Variants in CPED1 observed in about 807,000 individuals in gnomAD.
CPED1 encodes the protein cadherin like and PC-esterase domain containing 1.
Under a neutral mutation model 128.2 loss-of-function variants are expected in CPED1, and 114 were observed. The ratio of observed to expected loss-of-function variants is 0.89; its 90% CI spans 0.76 to 1.04. The LOEUF (loss-of-function observed/expected upper bound fraction) is 1.04. Among genes scored for constraint, CPED1 ranks in the 50% least tolerant of loss-of-function variants. The pLI, the probability that CPED1 is intolerant of heterozygous loss-of-function variation, is 0.00. For missense variants in CPED1, 1,211 were observed against 1,207.1 expected (o/e 1.00, Z -0.05); for synonymous variants, 462 against 426.7 (o/e 1.08, Z -1.02).
intron 16 of CPED1, among the ~76,000 whole-genome samples, chr7:121,172,394 TTA>T (rs1796666531): frequency 6.6e-6 from 1 of 152,058 alleles, no homozygotes; most frequent in African/African-American, 2.4e-5. Context: ...TTTTTTTTTT[TTA>T]TTTTGATGTG....
intron 19 of CPED1, 52 bp downstream of exon 19, chr7:121,266,499 T>A (rs534906346): frequency 6.9e-7 from 1 of 1,456,974 alleles, no homozygotes; most frequent in African/African-American, 1.4e-5. Flanking sequence ...ACTGATGTTC[T>A]GCTAGCAGTC....
At chr7:121,182,689 G>A (rs1216702002) in intron 16 of CPED1, among the ~76,000 whole-genome samples, 1 of 152,064 alleles carries the variant, frequency 6.6e-6, no homozygotes, top group Non-Finnish European at 1.5e-5. Flanking sequence ...CAGATTGTAA[G>A]TTCTATAGTC....
At chr7:121,002,985 C>T (rs1404538374) in intron 2 of CPED1, among the ~76,000 whole-genome samples, 1 of 152,134 alleles carries the variant, frequency 6.6e-6, no homozygotes, top group African/African-American at 2.4e-5. Context: ...CAATAAATTA[C>T]TGTCAGCTGG....
Position 121,296,764 on chromosome 7 carries a change from T to C in CPED1, c.*1112T>C. ...TTCTTTTATCTCTTTAGGTTCAAAATGGTGAATTTCTTTATTATATGAATG... is the reference window on the plus strand; with the variant it reads ...TTCTTTTATCTCTTTAGGTTCAAAACGGTGAATTTCTTTATTATATGAATG... On this transcript the variant is annotated 3_prime_UTR_variant, in exon 23 of 23. Coordinates refer to ENST00000310396, the MANE Select transcript of CPED1 (RefSeq NM_024913.5). 1 of 152,456 alleles carries C rather than the reference T, an allele frequency of 6.6e-6. No individual in the cohort carries two copies. Among genetic ancestry groups the C allele is most frequent in the African/African-American group, 2.4e-5 (1 of 41,576 alleles). 9.4% of individuals were successfully genotyped at this position (152,456 alleles called of 1,614,324 possible).
intron 17 of CPED1, among the ~76,000 whole-genome samples, chr7:121,240,440 A>G (rs149019545): frequency 1.7e-4 from 26 of 152,314 alleles, no homozygotes; most frequent in Non-Finnish European, 3.4e-4. Context: ...TGCCCTCAAC[A>G]TATCATTATC....
chr7:121,116,968 A>G (rs553156854), intron 7 of CPED1, among the ~76,000 whole-genome samples: 2 of 142,028 alleles, frequency 1.4e-5, no homozygotes, highest in Non-Finnish European at 3.0e-5. Flanking sequence ...CTCTCTATAT[A>G]TATATATATA....
At chr7:121,101,159 C>T (rs903296933) in intron 7 of CPED1, among the ~76,000 whole-genome samples, 1 of 152,030 alleles carries the variant, frequency 6.6e-6, no homozygotes, top group African/African-American at 2.4e-5. Context: ...CTCTTTTGGT[C>T]TCTGTACCAT....
At chr7:121,164,610 C>G (rs962648946) in intron 16 of CPED1, among the ~76,000 whole-genome samples, 2 of 152,134 alleles carry the variant, frequency 1.3e-5, no homozygotes, top group African/African-American at 4.8e-5. Context: ...GCCTCTTGTC[C>G]CCAAACTGCG....
chr7:121,195,438 A>G (rs1471499983), intron 16 of CPED1, among the ~76,000 whole-genome samples: 1 of 152,180 alleles, frequency 6.6e-6, no homozygotes, highest in Non-Finnish European at 1.5e-5. Flanking sequence ...TAATGTTGAT[A>G]ACTCCAGCAA....
chr7:121,051,722 C>T (rs998894439), intron 4 of CPED1: 32 of 241,556 alleles, frequency 1.3e-4, no homozygotes, highest in East Asian at 9.4e-4. Context: ...TTCCTAATAA[C>T]GTTGTTATGC....
chr7:121,114,595 G>T (rs1795190972), intron 7 of CPED1, among the ~76,000 whole-genome samples: 2 of 152,310 alleles, frequency 1.3e-5, no homozygotes, highest in African/African-American at 4.8e-5. Context: ...AACCTAGAAT[G>T]ATTCTGCCCT....
intron 3 of CPED1, among the ~76,000 whole-genome samples, chr7:121,040,864 T>C (rs1793031789): frequency 6.6e-6 from 1 of 152,084 alleles, no homozygotes; most frequent in Non-Finnish European, 1.5e-5. Flanking sequence ...GGCTTGGCTT[T>C]TGTAGCTTTG....
At chr7:121,295,199 A>C (rs1239027431) in intron 22 of CPED1, among the ~76,000 whole-genome samples, 1 of 151,440 alleles carries the variant, frequency 6.6e-6, no homozygotes, top group Non-Finnish European at 1.5e-5. Context: ...AAATCATCTG[A>C]GACTGTTCCT....
At chr7:121,193,195 A>G (rs566070417) in intron 16 of CPED1, among the ~76,000 whole-genome samples, 2 of 152,316 alleles carry the variant, frequency 1.3e-5, no homozygotes, top group Non-Finnish European at 2.9e-5. Context: ...TGTGGTTTAT[A>G]TTTTAGCTAT....
rs1448831736 is a variant in CPED1, at chr7:121,297,337, T to C, written c.*1685T>C. ...TATAATTTTCTTTAGACCTAACTGT[T>C]ACCATCTGACTGAGGTTACTCTGGT... On this transcript the variant is annotated 3_prime_UTR_variant, in exon 23 of 23. Coordinates refer to ENST00000310396, the MANE Select transcript of CPED1 (RefSeq NM_024913.5). The C allele has an allele frequency of 6.6e-6, 1 of 152,166 alleles. No homozygotes were observed. The highest frequency in any genetic ancestry group is 1.5e-5 in the Non-Finnish European group (1 of 67,988). The allele number at this position is 152,166 out of a possible 1,614,324, so 9.4% of individuals were successfully genotyped here.
Position 121,295,951 on chromosome 7 carries a change from TGTG to T in CPED1, c.*300_*302del, listed in dbSNP as rs1792816855. Reference sequence around the variant, plus strand: ...AACCACTGTGGGCCAGGTATGGCATTGTGATAATAAAGAGAAATATAGACACTT... The same window carrying T: ...AACCACTGTGGGCCAGGTATGGCATTATAATAAAGAGAAATATAGACACTT... On this transcript the variant is annotated 3_prime_UTR_variant, in exon 23 of 23. Coordinates refer to ENST00000310396, the MANE Select transcript of CPED1 (RefSeq NM_024913.5). 3.8e-6 allele frequency: 1 copy of T among 266,566 alleles called. No homozygotes were observed. Among genetic ancestry groups the T allele is most frequent in the Non-Finnish European group, 7.1e-6 (1 of 140,350 alleles). 16.5% of individuals were successfully genotyped at this position (266,566 alleles called of 1,614,324 possible).
chr7:121,084,655 T>TA (rs1461398732), intron 5 of CPED1, among the ~76,000 whole-genome samples: 1 of 152,208 alleles, frequency 6.6e-6, no homozygotes, highest in East Asian at 1.9e-4. Flanking sequence ...CAGTATGTAA[T>TA]AAAACTGATT....
At chr7:121,169,597 G>A (rs902748373) in intron 16 of CPED1, among the ~76,000 whole-genome samples, 1 of 152,150 alleles carries the variant, frequency 6.6e-6, no homozygotes, top group East Asian at 1.9e-4. Flanking sequence ...GTATGCCACT[G>A]AGAATACTAA....
intron 16 of CPED1, 88 bp from the exon 17 acceptor site, chr7:121,236,626 T>C: frequency 1.4e-6 from 1 of 691,874 alleles, no homozygotes; most frequent in Non-Finnish European, 2.4e-6. Flanking sequence ...ATAAAGGTTA[T>C]TTGCCACATA....
Sources: allele counts gnomAD v4.1 joint callset (sites outside exome capture counted in the v4.1 genomes callset), GRCh38; gene constraint gnomAD v4.1.1; transcripts MANE v1.5; gene names NCBI Gene and HGNC (gene_info 2026-07-23, HGNC 2026-07-21).